Variants in FAM83A observed in about 807,000 individuals in gnomAD.
FAM83A encodes the protein protein FAM83A.
FAM83A carries 21 observed loss-of-function variants against 24.4 expected under a neutral mutation model. The ratio of observed to expected loss-of-function variants is 0.86; its 90% CI spans 0.61 to 1.24. FAM83A has a LOEUF of 1.24. Ranked by LOEUF, FAM83A falls within the 50% of genes most tolerant of loss-of-function variation. FAM83A has a pLI of 0.00. For missense variants in FAM83A, 617 were observed against 579.8 expected (o/e 1.06, Z -0.66); for synonymous variants, 270 against 252.4 (o/e 1.07, Z -0.66).
At chr8:123,203,842 A>T (rs923273656) in intron 3 of FAM83A, among the ~76,000 whole-genome samples, 1 of 150,674 alleles carries the variant, frequency 6.6e-6, no homozygotes, top group African/African-American at 2.4e-5. Flanking sequence ...TTGTAACCCC[A>T]GTTACTTAGG....
At chr8:123,192,472 A>G (rs1268505245) in intron 2 of FAM83A, among the ~76,000 whole-genome samples, 3 of 152,194 alleles carry the variant, frequency 2.0e-5, no homozygotes, top group African/African-American at 7.2e-5. Context: ...CTTGGACTTA[A>G]CTGAACCCCG....
At chr8:123,197,771 T>A (rs147634223) in intron 3 of FAM83A, among the ~76,000 whole-genome samples, 2 of 152,252 alleles carry the variant, frequency 1.3e-5, no homozygotes, top group South Asian at 4.1e-4. Flanking sequence ...CAGGTGCAGT[T>A]TGAAATCAAA....
intron 1 of FAM83A, among the ~76,000 whole-genome samples, chr8:123,187,191 A>G (rs947694233): frequency 6.6e-6 from 1 of 152,202 alleles, no homozygotes; most frequent in Admixed American, 6.5e-5. Context: ...TGATGGGACC[A>G]GAGCTTGGGG....
rs555146602 is a variant in FAM83A, at chr8:123,191,830, A to T, written c.508A>T (p.Thr170Ser). 6 of 1,614,004 alleles carry T rather than the reference A, an allele frequency of 3.7e-6. No individual in the cohort carries two copies. The East Asian group carries it at 1.3e-4, about 36-fold the overall frequency. ...CCTGGTCATCCTGATGGATGTGTTC[A>T]CGGATGTGGAGATCTTCTGTGACAT... The change falls in exon 2 of 4, where the codon ACG (threonine) becomes TCG (serine). Residue 170 changes from threonine (T) to serine (S), a missense_variant. By Grantham distance (58) the Thr-to-Ser change is moderately conservative. Transcript: ENST00000690554.
In FAM83A at chr8:123,183,330, T is replaced by C. The variant is rs1292077547; in HGVS notation, c.474T>C (p.Thr158=). 1.9e-6 allele frequency: 3 copies of C among 1,611,008 alleles called. No individual in the cohort carries two copies. In the African/African-American group the frequency reaches 4.0e-5, roughly 21 times the overall value. Residue 158 remains threonine (T), a synonymous_variant, in exon 1 of 4, where the codon ACT becomes ACC. Coordinates refer to ENST00000690554, the Ensembl canonical transcript of FAM83A. Reference sequence around the variant, plus strand: ...TCGTCCGCCGCTGCATCACCCGGACTAGCCAGGTACCGATGGCAAAGCCCC... The same window carrying C: ...TCGTCCGCCGCTGCATCACCCGGACCAGCCAGGTACCGATGGCAAAGCCCC...
intron 3 of FAM83A, among the ~76,000 whole-genome samples, chr8:123,197,696 T>C (rs1266014286): frequency 6.6e-6 from 1 of 152,174 alleles, no homozygotes; most frequent in Non-Finnish European, 1.5e-5. Flanking sequence ...TTTGCATCAC[T>C]AAAGGGAAGA....
At chr8:123,206,242 G>A (rs1824548088) in intron 3 of FAM83A, among the ~76,000 whole-genome samples, 1 of 152,024 alleles carries the variant, frequency 6.6e-6, no homozygotes, top group African/African-American at 2.4e-5. Flanking sequence ...CTCTCCTTGA[G>A]GGTGTCTTCC....
At chr8:123,208,144 G>C in exon 4 of FAM83A, 14 of 994,276 alleles carry the variant, frequency 1.4e-5, no homozygotes, top group Non-Finnish European at 1.7e-5. Context: ...ATTCAGGAAA[G>C]AAAGACTGAG....
intron 1 of FAM83A, among the ~76,000 whole-genome samples, chr8:123,189,312 C>G (rs1420095622): frequency 6.6e-6 from 1 of 152,222 alleles, no homozygotes; most frequent in East Asian, 1.9e-4. Flanking sequence ...AAAGTTGATT[C>G]CAAGTGGATA....
exon 4 of FAM83A, chr8:123,207,535 C>T (rs768463787): frequency 6.4e-7 from 1 of 1,564,802 alleles, no homozygotes; most frequent in South Asian, 1.2e-5. Flanking sequence ...CCCAGGCCCA[C>T]CTCTCCCCGC....
intron 3 of FAM83A, among the ~76,000 whole-genome samples, chr8:123,200,238 T>G (rs536045640): frequency 6.6e-6 from 1 of 152,334 alleles, no homozygotes; most frequent in East Asian, 1.9e-4. Flanking sequence ...AGGGAGGTTC[T>G]GCTTGTGGAG....
exon 4 of FAM83A, chr8:123,208,760 C>A (rs1824643504): frequency 1.0e-6 from 1 of 981,402 alleles, no homozygotes; most frequent in South Asian, 4.7e-5. Flanking sequence ...CTTTGGGATG[C>A]CAAGGTGGTT....
chr8:123,190,267 A>AT (rs1180933433), intron 1 of FAM83A, among the ~76,000 whole-genome samples: 3 of 152,102 alleles, frequency 2.0e-5, no homozygotes, highest in Non-Finnish European at 4.4e-5. Context: ...GTATTTTCTT[A>AT]TTTTTTTATT....
chr8:123,199,104 A>C (rs896307174), intron 3 of FAM83A, among the ~76,000 whole-genome samples: 15 of 152,216 alleles, frequency 9.9e-5, no homozygotes, highest in African/African-American at 3.6e-4. Flanking sequence ...TCATCAGAAC[A>C]AAATGGAAAA....
intron 3 of FAM83A, among the ~76,000 whole-genome samples, chr8:123,206,885 C>A (rs1399559114): frequency 6.6e-6 from 1 of 152,054 alleles, no homozygotes; most frequent in Non-Finnish European, 1.5e-5. Flanking sequence ...GATCTTGGGG[C>A]CTGGGCCGGC....
intron 3 of FAM83A, 124 bp downstream of exon 3, chr8:123,194,272 C>G (rs144931666): frequency 2.2e-6 from 3 of 1,366,240 alleles, no homozygotes; most frequent in African/African-American, 1.4e-5. Context: ...TCCCTCTGCC[C>G]GGAGCTGGAG....
Position 123,194,420 on chromosome 8 carries a change from C to T in FAM83A, c.773+272C>T, listed in dbSNP as rs545870404. 8.9e-4 allele frequency among the ~76,000 whole-genome samples: 135 copies of T among 152,018 alleles called. 2 individuals are homozygous for T. The South Asian group carries it at 0.025, about 28-fold the overall frequency. On this transcript the variant is annotated intron_variant, in intron 3 of 3. Transcript: ENST00000690554. ...GTAGAATCCTCTTCTTTTCCCTCCT[C>T]GGATATCTTAGACGTGATTATAAAG...
intron 3 of FAM83A, 140 bp downstream of exon 3, chr8:123,194,288 T>A (rs2131080806): frequency 8.1e-7 from 1 of 1,231,518 alleles, no homozygotes; most frequent in African/African-American, 1.5e-5. Flanking sequence ...TGGAGCTGCA[T>A]CACATAGATG....
intron 3 of FAM83A, among the ~76,000 whole-genome samples, chr8:123,197,675 G>T (rs941666260): frequency 6.6e-6 from 1 of 152,210 alleles, no homozygotes; most frequent in Admixed American, 6.5e-5. Context: ...TCTTCCCTGG[G>T]GAACTCAGGT....
Sources: allele counts gnomAD v4.1 joint callset (sites outside exome capture counted in the v4.1 genomes callset), GRCh38; gene constraint gnomAD v4.1.1; transcripts MANE v1.5; gene names NCBI Gene and HGNC (gene_info 2026-07-23, HGNC 2026-07-21).